The following DRC11 variants were observed in gnomAD, a reference collection of about 807,000 sequenced individuals.
DRC11 encodes dynein regulatory complex subunit 11.
the DRC11 span, among the ~76,000 whole-genome samples, chr2:236,375,744 C>T: frequency 3.3e-5 from 5 of 151,954 alleles, no homozygotes; most frequent in South Asian, 2.1e-4. The surrounding 1 kb of genome is among the most constrained non-coding windows in gnomAD (Gnocchi z 4.2). Context: ...TAGGGACAGA[C>T]GATAATACAT....
the DRC11 span, chr2:236,338,390 A>G: frequency 6.4e-7 from 1 of 1,567,156 alleles, no homozygotes; most frequent in Non-Finnish European, 8.6e-7. Context: ...ATTCTGGGAG[A>G]GAGAAAAAAA....
the DRC11 span, among the ~76,000 whole-genome samples, chr2:236,327,769 G>A: frequency 2.0e-5 from 3 of 151,882 alleles, no homozygotes; most frequent in Non-Finnish European, 2.9e-5. Flanking sequence ...TGCAACCTCC[G>A]CCTCCTGGGT....
the DRC11 span, among the ~76,000 whole-genome samples, chr2:236,371,115 G>A: frequency 2.0e-5 from 3 of 152,188 alleles, no homozygotes; most frequent in East Asian, 3.9e-4. The surrounding 1 kb of genome is among the most constrained non-coding windows in gnomAD (Gnocchi z 5.1). Context: ...CACATTCTGC[G>A]TCCGGGGATC....
chr2:236,469,067 C>T, the DRC11 span, among the ~76,000 whole-genome samples: 3 of 152,376 alleles, frequency 2.0e-5, no homozygotes, highest in Middle Eastern at 3.4e-3. This position sits in a 1 kb window ranked among gnomAD's most constrained non-coding sequence, Gnocchi z 5.8. Flanking sequence ...CTTCCTAACA[C>T]TTCCACAATC....
chr2:236,462,608 T>C, the DRC11 span, among the ~76,000 whole-genome samples: 2 of 151,846 alleles, frequency 1.3e-5, no homozygotes, highest in Non-Finnish European at 2.9e-5. The surrounding 1 kb of genome is among the most constrained non-coding windows in gnomAD (Gnocchi z 6.4). Flanking sequence ...GCGGCGGAGG[T>C]TGCAGTGAGC....
the DRC11 span, among the ~76,000 whole-genome samples, chr2:236,450,813 C>G: frequency 8.3e-4 from 127 of 152,204 alleles, no homozygotes; most frequent in African/African-American, 3.1e-3. Flanking sequence ...GATGCATTTA[C>G]CTTGTTTTTC....
At chr2:236,377,228 G>T in the DRC11 span, 2 of 1,225,050 alleles carry the variant, frequency 1.6e-6, no homozygotes, top group Non-Finnish European at 2.4e-6. This position sits in a 1 kb window ranked among gnomAD's most constrained non-coding sequence, Gnocchi z 4.9. Flanking sequence ...CACACACACA[G>T]AAATCGGCGG....
the DRC11 span, among the ~76,000 whole-genome samples, chr2:236,461,180 A>C: frequency 6.6e-6 from 1 of 152,256 alleles, no homozygotes; most frequent in African/African-American, 2.4e-5. The surrounding 1 kb of genome is among the most constrained non-coding windows in gnomAD (Gnocchi z 4.0). Context: ...ATAATAAATT[A>C]GATTTTACCC....
chr2:236,335,027 A>G, the DRC11 span, among the ~76,000 whole-genome samples: 1 of 152,116 alleles, frequency 6.6e-6, no homozygotes, highest in African/African-American at 2.4e-5. This position sits in a 1 kb window ranked among gnomAD's most constrained non-coding sequence, Gnocchi z 5.6. Flanking sequence ...GAGAGATTGA[A>G]TGATGTTTGG....
chr2:236,437,993 T>C, the DRC11 span, among the ~76,000 whole-genome samples: 5 of 139,800 alleles, frequency 3.6e-5, no homozygotes, highest in East Asian at 1.0e-3. Context: ...TTGCTTTTGG[T>C]GTTTTAGACA....
the DRC11 span, among the ~76,000 whole-genome samples, chr2:236,428,012 T>C: frequency 5.4e-4 from 82 of 152,306 alleles, 1 homozygote; most frequent in Admixed American, 2.3e-3. Context: ...TAGGAGCATG[T>C]TGTTAATTTC....
the DRC11 span, chr2:236,419,372 T>C: frequency 6.9e-7 from 1 of 1,455,966 alleles, no homozygotes; most frequent in South Asian, 1.6e-5. This position sits in a 1 kb window ranked among gnomAD's most constrained non-coding sequence, Gnocchi z 4.8. Context: ...GTCAGTGTCA[T>C]CTCTCTGCCT....
chr2:236,364,107 A>G, the DRC11 span: 6 of 754,832 alleles, frequency 7.9e-6, no homozygotes, highest in East Asian at 1.1e-4. Context: ...AAGGCGTCCA[A>G]AGCATTTCAA....
At chr2:236,370,533 C>T in the DRC11 span, among the ~76,000 whole-genome samples, 2 of 152,150 alleles carry the variant, frequency 1.3e-5, no homozygotes, top group East Asian at 1.9e-4. This position sits in a 1 kb window ranked among gnomAD's most constrained non-coding sequence, Gnocchi z 5.5. Flanking sequence ...TCATGGGCAC[C>T]GGCCCCCAGA....
At chr2:236,421,688 G>A in the DRC11 span, among the ~76,000 whole-genome samples, 1 of 152,116 alleles carries the variant, frequency 6.6e-6, no homozygotes, top group African/African-American at 2.4e-5. Flanking sequence ...GAAAAAGAGG[G>A]AATCCTCCCT....
At chr2:236,459,815 C>T in the DRC11 span, among the ~76,000 whole-genome samples, 5 of 151,576 alleles carry the variant, frequency 3.3e-5, no homozygotes, top group Non-Finnish European at 4.4e-5. Flanking sequence ...CTCTATCTTG[C>T]GAATGTTCTA....
the DRC11 span, among the ~76,000 whole-genome samples, chr2:236,383,814 C>T: frequency 6.6e-6 from 1 of 151,558 alleles, no homozygotes; most frequent in African/African-American, 2.4e-5. Context: ...TCCCTCCCCA[C>T]TCCCCCCACC....
At chr2:236,408,998 C>T in the DRC11 span, 5 of 702,360 alleles carry the variant, frequency 7.1e-6, no homozygotes, top group Non-Finnish European at 1.3e-5. This position sits in a 1 kb window ranked among gnomAD's most constrained non-coding sequence, Gnocchi z 5.5. Context: ...TCTTCACCTT[C>T]CCACGATGCG....
At chr2:236,503,939 A>C in the DRC11 span, among the ~76,000 whole-genome samples, 63 of 152,164 alleles carry the variant, frequency 4.1e-4, no homozygotes, top group Non-Finnish European at 6.9e-4. This position sits in a 1 kb window ranked among gnomAD's most constrained non-coding sequence, Gnocchi z 4.9. Context: ...ATGATTTTTC[A>C]TAAGAGCATT....
Sources: gnomAD v4.1 joint callset for allele counts (sites outside exome capture counted in the v4.1 genomes callset) on GRCh38, gnomAD v4.1.1 for gene constraint, Gnocchi (gnomAD v3.1) non-coding constraint, MANE v1.5 for transcripts, NCBI Gene and HGNC (gene_info 2026-07-23, HGNC 2026-07-21) for gene names.